COA8: variants seen among roughly 807,000 people sequenced by gnomAD.
COA8 encodes the protein UPF0671 protein C14orf153.
Under a neutral mutation model 22.0 loss-of-function variants are expected in COA8, and 20 were observed. That is an observed-to-expected ratio of 0.91 (90% confidence interval 0.64 to 1.32). COA8 has a LOEUF of 1.32. COA8 is among the 40% of genes most tolerant of loss of function. The probability of loss-of-function intolerance (pLI) is 0.00; values close to 1 mark genes in which losing one functional copy is unlikely to be tolerated. For synonymous variants in COA8, 105 were observed against 79.9 expected (o/e 1.31, Z -1.68); for missense variants, 266 against 230.0 (o/e 1.16, Z -1.01).
At chr14:103,570,321 T>C (rs2076173250) in intron 1 of COA8, among the ~76,000 whole-genome samples, 1 of 152,236 alleles carries the variant, frequency 6.6e-6, no homozygotes, top group African/African-American at 2.4e-5. Flanking sequence ...ACCCTGACGA[T>C]GAGCAGTATA....
chr14:103,582,092 C>T (rs1310621683), intron 3 of COA8, among the ~76,000 whole-genome samples: 1 of 152,188 alleles, frequency 6.6e-6, no homozygotes, highest in Admixed American at 6.5e-5. Flanking sequence ...AGGAGCTGAG[C>T]GTGGCCTCCG....
At chr14:103,563,636 C>T (rs541674341) in intron 1 of COA8, among the ~76,000 whole-genome samples, 13 of 152,296 alleles carry the variant, frequency 8.5e-5, no homozygotes, top group African/African-American at 3.1e-4. Flanking sequence ...ATGTCTGTAG[C>T]AAGAATGTCT....
chr14:103,571,783 A>T lies in COA8; in HGVS notation c.284A>T (p.Gln95Leu). Reference sequence around the variant, plus strand: ...AGACAAGAAACACAAGAATGGAATCAACAGTTCTGGGCAAACCAGAATTTG... The same window carrying T: ...AGACAAGAAACACAAGAATGGAATCTACAGTTCTGGGCAAACCAGAATTTG... ...KLRQETQEWN[Q>L]QFWANQNLTF... The change falls in exon 2 of 5, where the codon CAA becomes CTA. Residue 95 changes from glutamine to leucine, a missense_variant. By Grantham distance (113) the Gln-to-Leu change is moderately radical. Transcript: ENST00000409074. 6.2e-7 allele frequency: 1 copy of T among 1,614,180 alleles called. No homozygotes were observed. Among genetic ancestry groups the T allele is most frequent in the East Asian group, 2.2e-5 (1 of 44,886 alleles).
intron 1 of COA8, among the ~76,000 whole-genome samples, chr14:103,570,514 CCT>C (rs2076175076): frequency 1.3e-5 from 2 of 152,154 alleles, no homozygotes; most frequent in Non-Finnish European, 2.9e-5. Flanking sequence ...AGGCAGATCA[CCT>C]GAGGTCAGGA....
intron 3 of COA8, among the ~76,000 whole-genome samples, chr14:103,578,143 G>A (rs550294959): frequency 2.6e-5 from 4 of 151,848 alleles, no homozygotes; most frequent in East Asian, 3.9e-4. Context: ...GCAGTGAGCC[G>A]AGATTGTGTC....
Position 103,573,317 on chromosome 14 carries a change from CCG to C in COA8, c.322-788_322-787del, listed in dbSNP as rs1475708799. The stretch of plus-strand genomic sequence containing the variant: ...CCCAAGTAGCTGGGATTACAGGCGC[CCG>C]CCACCACACCCGGCTAATTTTTGTA... On this transcript the variant is annotated intron_variant, in intron 2 of 4. Transcript: ENST00000409074. Among the ~76,000 whole-genome samples the C allele has an allele frequency of 3.3e-5, 5 of 151,644 alleles. No homozygotes were observed. The South Asian group carries it at 8.3e-4, about 25-fold the overall frequency.
chr14:103,590,260 C>T lies in COA8; in HGVS notation c.556C>T (p.Gln186Ter), dbSNP rs763093655. 2 of 1,614,078 alleles carry T rather than the reference C, an allele frequency of 1.2e-6. No individual in the cohort carries two copies. Among genetic ancestry groups the T allele is most frequent in the South Asian group, 2.2e-5 (2 of 91,086 alleles). ...ALERIWNKLK[Q>*]KQKKRSN ...GGAAAGGATTTGGAACAAGCTTAAA[C>T]AGAAACAAAAGAAGAGGAGCAACTA... Residue 186 changes from glutamine to a stop codon, truncating the protein, a stop_gained, in exon 5 of 5, where the codon CAG becomes TAG. Coordinates refer to ENST00000409074, the MANE Select transcript of COA8 (RefSeq NM_001370595.2). LOFTEE classifies it high-confidence loss of function.
chr14:103,586,517 A>G lies in COA8; in HGVS notation c.386-757A>G, dbSNP rs753574283. Among the ~76,000 whole-genome samples the G allele has an allele frequency of 5.8e-4, 88 of 151,238 alleles. 1 individual carries two copies. Among genetic ancestry groups the G allele is most frequent in the Middle Eastern group, 6.9e-3 (2 of 288 alleles). Reference sequence around the variant, plus strand: ...ACCACCACGCCCAGCTAATTTTTGTATTTTTAGTAGAGATGAGGTTTTACC... The same window carrying G: ...ACCACCACGCCCAGCTAATTTTTGTGTTTTTAGTAGAGATGAGGTTTTACC... On this transcript the variant is annotated intron_variant, in intron 3 of 4. Coordinates refer to ENST00000409074, the MANE Select transcript of COA8 (RefSeq NM_001370595.2).
chr14:103,579,449 A>C (rs2076251295), intron 3 of COA8: 1 of 183,150 alleles, frequency 5.5e-6, no homozygotes, highest in Non-Finnish European at 1.2e-5. Flanking sequence ...TCCTGGTTCA[A>C]GCGATTCTCC....
intron 1 of COA8, among the ~76,000 whole-genome samples, chr14:103,569,865 GT>G (rs796666657): frequency 6.0e-5 from 9 of 151,152 alleles, no homozygotes; most frequent in African/African-American, 9.7e-5. Context: ...TTGTTTGTTT[GT>G]TTTTTTTTGA....
At chr14:103,568,233 T>A (rs544262242) in intron 1 of COA8, among the ~76,000 whole-genome samples, 1 of 152,262 alleles carries the variant, frequency 6.6e-6, no homozygotes, top group South Asian at 2.1e-4. Context: ...AGGAGAAACG[T>A]CTCAGTGTCT....
intron 3 of COA8, 94 bp downstream of exon 3, chr14:103,574,264 G>T (rs772669466): frequency 1.9e-6 from 3 of 1,552,286 alleles, no homozygotes; most frequent in African/African-American, 2.7e-5. Context: ...AGGTGGGGAA[G>T]TTCAGGGCGG....
chr14:103,582,020 T>G (rs1301079669), intron 3 of COA8, among the ~76,000 whole-genome samples: 1 of 152,186 alleles, frequency 6.6e-6, no homozygotes, highest in Non-Finnish European at 1.5e-5. Context: ...GTATGCGCTC[T>G]GCTGAAGGTG....
chr14:103,573,204 C>T (rs1473609376), intron 2 of COA8, among the ~76,000 whole-genome samples: 2 of 151,240 alleles, frequency 1.3e-5, no homozygotes, highest in South Asian at 2.1e-4. Context: ...AGTTTCACTC[C>T]TGTTGCCCAG....
At chr14:103,589,314 A>G (rs1006565703) in intron 4 of COA8, among the ~76,000 whole-genome samples, 1 of 152,156 alleles carries the variant, frequency 6.6e-6, no homozygotes, top group Non-Finnish European at 1.5e-5. Flanking sequence ...ACTGCTCCTC[A>G]TGACAGCATT....
chr14:103,574,092 T>TTC lies in COA8; in HGVS notation c.322-14_322-13insCT. 1 of 1,502,100 alleles carries TTC rather than the reference T, an allele frequency of 6.7e-7. No individual in the cohort carries two copies. The highest frequency in any genetic ancestry group is 8.8e-7 in the Non-Finnish European group (1 of 1,131,174). 93.0% of individuals were successfully genotyped at this position (1,502,100 alleles called of 1,614,324 possible). ...GTTCTGAGAGCCTTTTTTTTTTTTT[T>TTC]TTTTTTTTTTTAAGGAAAAAGAAGA... is the stretch of plus-strand genomic sequence containing the variant. On this transcript the variant is annotated splice_polypyrimidine_tract_variant and intron_variant, in intron 2 of 4. Coordinates refer to ENST00000409074, the MANE Select transcript of COA8 (RefSeq NM_001370595.2).
At chr14:103,572,484 C>G (rs1055956194) in intron 2 of COA8, among the ~76,000 whole-genome samples, 2 of 152,052 alleles carry the variant, frequency 1.3e-5, no homozygotes, top group African/African-American at 4.8e-5. Flanking sequence ...AATCCCAGCA[C>G]TTTGGGAGGC....
chr14:103,568,939 G>T (rs989599205), intron 1 of COA8, among the ~76,000 whole-genome samples: 3 of 152,036 alleles, frequency 2.0e-5, no homozygotes, highest in African/African-American at 7.2e-5. Flanking sequence ...GCTGAAAAAA[G>T]ATTTTCACAA....
chr14:103,569,314 A>G (rs1008639366), intron 1 of COA8, among the ~76,000 whole-genome samples: 1 of 152,228 alleles, frequency 6.6e-6, no homozygotes, highest in Non-Finnish European at 1.5e-5. Context: ...GGTTATAGGG[A>G]AGAACAAAGG....
Sources: gnomAD v4.1 joint callset for allele counts (sites outside exome capture counted in the v4.1 genomes callset) on GRCh38, gnomAD v4.1.1 for gene constraint, MANE v1.5 for transcripts, NCBI Gene and HGNC (gene_info 2026-07-23, HGNC 2026-07-21) for gene names.